RYR3: variants seen among roughly 807,000 people sequenced by gnomAD.
RYR3 encodes ryanodine receptor 3.
A neutral mutation model predicts 584.3 loss-of-function variants in RYR3; 207 were observed. The ratio of observed to expected loss-of-function variants is 0.35; its 90% confidence interval spans 0.32 to 0.40. The LOEUF (loss-of-function observed/expected upper bound fraction) is 0.40, where lower values mean the gene tolerates loss of function less well. Among genes scored for constraint, RYR3 ranks in the 10% least tolerant of loss-of-function variants. The pLI, the probability that RYR3 is intolerant of heterozygous loss-of-function variation, is 1.00. For synonymous variants in RYR3, 2,416 were observed against 2,248.5 expected, an observed-to-expected ratio of 1.07 and a Z score of -2.11; for missense variants, 5,616 against 6,089.2, an observed-to-expected ratio of 0.92 and a Z score of 2.59.
intron 36 of RYR3, among the ~76,000 whole-genome samples, chr15:33,666,504 TC>T (rs2152714350): frequency 6.6e-6 from 1 of 152,332 alleles, no homozygotes; most frequent in African/African-American, 2.4e-5. Context: ...CATAGAGTCA[TC>T]AATATCAGAA....
At chr15:33,733,144 G>A (rs2069107640) in intron 48 of RYR3, among the ~76,000 whole-genome samples, 1 of 152,224 alleles carries the variant, frequency 6.6e-6, no homozygotes, top group African/African-American at 2.4e-5. Context: ...TTCATTGCTG[G>A]TGGGAGTGAC....
intron 1 of RYR3, among the ~76,000 whole-genome samples, chr15:33,332,685 A>G (rs1204478446): frequency 1.3e-5 from 2 of 152,122 alleles, no homozygotes; most frequent in African/African-American, 4.8e-5. Context: ...TAAAAATTAC[A>G]CTTTCTAAAT....
At chr15:33,651,727 G>A (rs2062482811) in intron 31 of RYR3, among the ~76,000 whole-genome samples, 1 of 152,192 alleles carries the variant, frequency 6.6e-6, no homozygotes, top group Non-Finnish European at 1.5e-5. Context: ...AGGAAGCCAA[G>A]CTGAGTCACA....
chr15:33,421,782 A>G (rs2044259806), intron 1 of RYR3, among the ~76,000 whole-genome samples: 1 of 152,174 alleles, frequency 6.6e-6, no homozygotes, highest in Non-Finnish European at 1.5e-5. Flanking sequence ...AAAATCCCCT[A>G]TTTATATCAG....
chr15:33,832,170 T>G (rs1333279845), intron 86 of RYR3, among the ~76,000 whole-genome samples: 1 of 151,550 alleles, frequency 6.6e-6, no homozygotes. Context: ...GTCGTGCGCG[T>G]GTAGTACCCG....
chr15:33,858,851 C>G (rs2080013373), intron 99 of RYR3: 1 of 152,282 alleles, frequency 6.6e-6, no homozygotes, highest in African/African-American at 2.4e-5. Context: ...CTGTGAGCAT[C>G]TCCATAAAAG....
intron 1 of RYR3, among the ~76,000 whole-genome samples, chr15:33,442,064 C>T (rs569548839): frequency 3.3e-5 from 5 of 152,222 alleles, no homozygotes; most frequent in African/African-American, 4.8e-5. Context: ...GCCAGAGAGA[C>T]ATCAAACCCA....
At chr15:33,811,980 G>A (rs944145050) in intron 72 of RYR3, among the ~76,000 whole-genome samples, 4 of 151,926 alleles carry the variant, frequency 2.6e-5, no homozygotes, top group African/African-American at 9.7e-5. Context: ...TAGGAATGGT[G>A]GATAAAATAT....
chr15:33,710,932 T>C (rs757148294), intron 43 of RYR3, among the ~76,000 whole-genome samples: 12 of 152,342 alleles, frequency 7.9e-5, no homozygotes, highest in Non-Finnish European at 1.8e-4. Flanking sequence ...TCTGGGCCTA[T>C]GATGGGAGGG....
At chr15:33,694,957 G>T (rs532761422) in intron 38 of RYR3, among the ~76,000 whole-genome samples, 2 of 152,272 alleles carry the variant, frequency 1.3e-5, no homozygotes, top group South Asian at 4.1e-4. Context: ...ATATCCTTAC[G>T]ATGAGCCAAG....
intron 3 of RYR3, among the ~76,000 whole-genome samples, chr15:33,511,927 C>A (rs1044983014): frequency 1.3e-5 from 2 of 152,118 alleles, no homozygotes; most frequent in Non-Finnish European, 2.9e-5. Context: ...TACAGGCGCC[C>A]GCCACCACGC....
In RYR3 at chr15:33,695,749, C is replaced by T. The variant is rs528240224; in HGVS notation, c.5861-469C>T. Among the ~76,000 whole-genome samples, 6 of 151,948 alleles carry T rather than the reference C, an allele frequency of 3.9e-5. No individual in the cohort carries two copies. In the South Asian group the frequency reaches 1.2e-3, roughly 32 times the overall value. On this transcript the variant is annotated intron_variant, in intron 38 of 103. Coordinates refer to ENST00000634891, the MANE Select transcript of RYR3 (RefSeq NM_001036.6). ...ATTTGTCTTTTGATGATATATTCTA[C>T]TTCTGTGCATGTCATAACCCACCCT... is the stretch of plus-strand genomic sequence containing the variant.
chr15:33,852,296 C>T (rs760830215), intron 94 of RYR3: 12 of 152,192 alleles, frequency 7.9e-5, no homozygotes, highest in South Asian at 6.2e-4. Context: ...AACATATTTT[C>T]AATGGTTTTT....
chr15:33,345,232 A>T (rs1048240077), intron 1 of RYR3, among the ~76,000 whole-genome samples: 1 of 152,204 alleles, frequency 6.6e-6, no homozygotes, highest in African/African-American at 2.4e-5. Context: ...TTATGCACTA[A>T]ATAAATATTT....
intron 41 of RYR3, 64 bp from the exon 42 acceptor site, chr15:33,700,913 T>A (rs1384328022): frequency 1.7e-6 from 2 of 1,193,556 alleles, no homozygotes; most frequent in South Asian, 2.7e-5. Context: ...TGCACTGCAG[T>A]CTCAGCTCAG....
In RYR3 at chr15:33,485,577, C is replaced by T. The variant is rs573262867; in HGVS notation, c.171+12039C>T. 1.4e-4 allele frequency among the ~76,000 whole-genome samples: 22 copies of T among 152,218 alleles called. No homozygotes were observed. In the East Asian group the frequency reaches 3.7e-3, roughly 25 times the overall value. ...ATGTTTCATTGAATAGGAAGGAAAA[C>T]GTCAAGGATGAGGGTGGATCTGTAG... On this transcript the variant is annotated intron_variant, in intron 2 of 103. Transcript: ENST00000634891.
chr15:33,861,914 T>G (rs1888383153), intron 102 of RYR3, among the ~76,000 whole-genome samples: 1 of 152,076 alleles, frequency 6.6e-6, no homozygotes, highest in African/African-American at 2.4e-5. Flanking sequence ...TGAGCCACTG[T>G]GCCCAGCCTC....
intron 12 of RYR3, among the ~76,000 whole-genome samples, chr15:33,571,304 A>AT (rs1185052163): frequency 1.3e-5 from 2 of 151,992 alleles, no homozygotes; most frequent in Non-Finnish European, 2.9e-5. Context: ...TGAGCATTAG[A>AT]TTTTTTCAAA....
At chr15:33,381,245 C>T (rs1412034250) in intron 1 of RYR3, among the ~76,000 whole-genome samples, 1 of 152,070 alleles carries the variant, frequency 6.6e-6, no homozygotes, top group Non-Finnish European at 1.5e-5. Flanking sequence ...TTAGAAATGC[C>T]CGAGACCCAT....
Sources: gnomAD v4.1 joint callset for allele counts (sites outside exome capture counted in the v4.1 genomes callset) on GRCh38, gnomAD v4.1.1 for gene constraint, MANE v1.5 for transcripts, NCBI Gene and HGNC (gene_info 2026-07-23, HGNC 2026-07-21) for gene names.